PSMA1: variants seen among roughly 807,000 people sequenced by gnomAD.
The protein encoded by PSMA1 is proteasome 20S subunit alpha 1, also known as proteasome subunit alpha type-1.
Under a neutral mutation model 38.4 loss-of-function variants are expected in PSMA1, and 3 were observed. That is an observed-to-expected ratio of 0.08 (90% CI 0.04 to 0.20). The LOEUF (loss-of-function observed/expected upper bound fraction) is 0.20, where lower values mean the gene tolerates loss of function less well. Ranked by LOEUF, PSMA1 falls within the 10% of genes least tolerant of loss-of-function variation. The pLI is 1.00. For synonymous variants in PSMA1, 101 were observed against 107.1 expected (o/e 0.94, Z 0.35); for missense variants, 227 against 325.3 (o/e 0.70, Z 2.32).
chr11:14,630,786 A>T (rs1230298028), intron 1 of PSMA1, among the ~76,000 whole-genome samples: 1 of 152,072 alleles, frequency 6.6e-6, no homozygotes, highest in Non-Finnish European at 1.5e-5. Flanking sequence ...CTGTGAATCC[A>T]TCTGGTCCTG....
intron 2 of PSMA1, among the ~76,000 whole-genome samples, chr11:14,597,918 G>C (rs1590004536): frequency 6.6e-6 from 1 of 152,068 alleles, no homozygotes. Flanking sequence ...ACACTGCTTT[G>C]AGTGTGTCCC....
At chr11:14,605,028 C>T (rs1852625966) in intron 2 of PSMA1, among the ~76,000 whole-genome samples, 1 of 152,100 alleles carries the variant, frequency 6.6e-6, no homozygotes, top group Non-Finnish European at 1.5e-5. Context: ...AATACATATG[C>T]ATTTTTGGTA....
At chr11:14,605,470 A>G (rs1000792290) in intron 2 of PSMA1, among the ~76,000 whole-genome samples, 2 of 152,220 alleles carry the variant, frequency 1.3e-5, no homozygotes, top group African/African-American at 4.8e-5. Flanking sequence ...TGCAGCCTCA[A>G]TCGCCCAGGC....
chr11:14,569,048 A>G (rs1056647269), intron 2 of PSMA1, among the ~76,000 whole-genome samples: 2 of 152,092 alleles, frequency 1.3e-5, no homozygotes, highest in Non-Finnish European at 2.9e-5. Flanking sequence ...CCCTGGAGAC[A>G]TTTTCCCCAT....
chr11:14,634,051 T>G (rs1205566531), intron 1 of PSMA1, among the ~76,000 whole-genome samples: 3 of 152,124 alleles, frequency 2.0e-5, no homozygotes, highest in African/African-American at 7.2e-5. Flanking sequence ...CACTCCCTAG[T>G]GAGATGAACC....
intron 2 of PSMA1, among the ~76,000 whole-genome samples, chr11:14,535,918 G>A (rs1475473940): frequency 6.6e-6 from 1 of 152,116 alleles, no homozygotes; most frequent in East Asian, 1.9e-4. Context: ...GAATCAGGGT[G>A]TATCCTGATC....
At chr11:14,549,100 GA>G (rs1476475453) in intron 2 of PSMA1, among the ~76,000 whole-genome samples, 2 of 151,816 alleles carry the variant, frequency 1.3e-5, no homozygotes, top group African/African-American at 4.8e-5. Context: ...AGTCAGTAGT[GA>G]AAAAGATACA....
Position 14,630,731 on chromosome 11 carries a change from G to A in PSMA1, c.-166+12724C>T, listed in dbSNP as rs532672261. The stretch of plus-strand genomic sequence containing the variant: ...TTTTCTATTGATTGGAATAGTTTCA[G>A]AAGGAATGGTACCAGTTCCTCCTTG... On this transcript the variant is annotated intron_variant, in intron 1 of 10. Transcript: ENST00000418988. Among the ~76,000 whole-genome samples, 4 of 151,998 alleles carry A rather than the reference G, an allele frequency of 2.6e-5. No individual in the cohort carries two copies. In the East Asian group the frequency reaches 7.7e-4, roughly 29 times the overall value.
At chr11:14,572,692 C>T (rs1291432474) in intron 2 of PSMA1, among the ~76,000 whole-genome samples, 3 of 151,990 alleles carry the variant, frequency 2.0e-5, no homozygotes, top group Admixed American at 6.6e-5. Context: ...GATAGAGACA[C>T]AAAAAACCCT....
chr11:14,617,501 T>C (rs1034519628), intron 1 of PSMA1, among the ~76,000 whole-genome samples: 1 of 152,060 alleles, frequency 6.6e-6, no homozygotes, highest in Non-Finnish European at 1.5e-5. Context: ...GCTTGTTAAA[T>C]GAAAGAGTGA....
intron 9 of PSMA1, chr11:14,507,444 G>A (rs2134140632): frequency 4.4e-6 from 2 of 451,590 alleles, no homozygotes; most frequent in East Asian, 9.2e-5. Flanking sequence ...GGGATTACAG[G>A]CATGAGCCAC....
intron 2 of PSMA1, among the ~76,000 whole-genome samples, chr11:14,528,792 G>A (rs1408826612): frequency 6.6e-6 from 1 of 152,058 alleles, no homozygotes; most frequent in Non-Finnish European, 1.5e-5. Context: ...ACTGATCAAT[G>A]TACTTTGTAA....
chr11:14,545,204 TAAG>T (rs1851813224), intron 2 of PSMA1, among the ~76,000 whole-genome samples: 1 of 152,190 alleles, frequency 6.6e-6, no homozygotes, highest in African/African-American at 2.4e-5. Context: ...ATAAAACACA[TAAG>T]AATCCAAAGC....
intron 2 of PSMA1, among the ~76,000 whole-genome samples, chr11:14,610,504 G>A (rs1199639725): frequency 6.6e-6 from 1 of 152,118 alleles, no homozygotes; most frequent in Non-Finnish European, 1.5e-5. Context: ...TTGGAAACAT[G>A]TACTCCTTTC....
At chr11:14,520,001 C>T in intron 1 of PSMA1, 1 of 540,270 alleles carries the variant, frequency 1.9e-6, no homozygotes. Flanking sequence ...TATTCTGGAC[C>T]GCTCAGAATC....
At chr11:14,586,770 C>CT (rs1042099311) in intron 2 of PSMA1, among the ~76,000 whole-genome samples, 10 of 147,724 alleles carry the variant, frequency 6.8e-5, no homozygotes, top group Middle Eastern at 3.5e-3. Flanking sequence ...TTCTTTCTTT[C>CT]TTTTTTTTTT....
intron 2 of PSMA1, chr11:14,610,901 G>T: frequency 6.6e-7 from 1 of 1,505,170 alleles, no homozygotes; most frequent in Non-Finnish European, 9.2e-7. Context: ...TTTTGTGGGG[G>T]CTCACATAGT....
upstream of PSMA1, among the ~76,000 whole-genome samples, chr11:14,522,242 T>G (rs540107501): frequency 2.0e-5 from 3 of 152,328 alleles, no homozygotes; most frequent in African/African-American, 7.2e-5. Context: ...TAGTATTTTA[T>G]TGTATGGAAA....
At chr11:14,617,095 G>T (rs1327490083) in intron 1 of PSMA1, among the ~76,000 whole-genome samples, 2 of 152,192 alleles carry the variant, frequency 1.3e-5, no homozygotes, top group African/African-American at 4.8e-5. Context: ...TGCTGAGAGT[G>T]GGTGTGGAGG....
Sources: allele counts gnomAD v4.1 joint callset (sites outside exome capture counted in the v4.1 genomes callset), GRCh38; gene constraint gnomAD v4.1.1; transcripts MANE v1.5; gene names NCBI Gene and HGNC (gene_info 2026-07-23, HGNC 2026-07-21).